The following TCF4 variants were observed in gnomAD, a reference collection of about 807,000 sequenced individuals.
TCF4 encodes the protein SL3-3 enhancer factor 2.
TCF4 carries 3 observed loss-of-function variants against 82.1 expected under a neutral mutation model. The ratio of observed to expected loss-of-function variants is 0.04; its 90% CI spans 0.02 to 0.09. TCF4 has a LOEUF of 0.09. TCF4 is among the 10% of genes least tolerant of loss of function. The probability of loss-of-function intolerance (pLI) is 1.00; values close to 1 mark genes in which losing one functional copy is unlikely to be tolerated. For missense variants in TCF4, 518 were observed against 852.7 expected, an observed-to-expected ratio of 0.61 and a Z score of 4.89; for synonymous variants, 276 against 309.6, an observed-to-expected ratio of 0.89 and a Z score of 1.14.
chr18:55,549,669 T>C (rs1229340295), intron 3 of TCF4, among the ~76,000 whole-genome samples: 1 of 152,032 alleles, frequency 6.6e-6, no homozygotes, highest in East Asian at 1.9e-4. Context: ...TCTCCTATGA[T>C]AACAAAGCCT....
intron 5 of TCF4, among the ~76,000 whole-genome samples, chr18:55,409,236 C>T (rs1424546952): frequency 1.3e-5 from 2 of 152,144 alleles, no homozygotes; most frequent in African/African-American, 4.8e-5. Context: ...ACAACGGGCT[C>T]CAAAAACCAA....
chr18:55,281,224 C>G (rs1484264066), intron 8 of TCF4, among the ~76,000 whole-genome samples: 24 of 152,118 alleles, frequency 1.6e-4, no homozygotes, highest in Non-Finnish European at 3.5e-4. Context: ...AAAACTTTGG[C>G]TAGGAATCCA....
chr18:55,291,316 T>C (rs1355340464), intron 8 of TCF4, among the ~76,000 whole-genome samples: 1 of 152,340 alleles, frequency 6.6e-6, no homozygotes, highest in Non-Finnish European at 1.5e-5. Flanking sequence ...TAGTGCTAAG[T>C]AGAGTTATAA....
intron 5 of TCF4, among the ~76,000 whole-genome samples, chr18:55,437,414 A>G (rs1055989453): frequency 1.3e-5 from 2 of 152,176 alleles, no homozygotes; most frequent in African/African-American, 4.8e-5. Context: ...CTCTCTCTCA[A>G]TGGAAATATG....
chr18:55,577,488 A>T (rs1348486089), intron 3 of TCF4, among the ~76,000 whole-genome samples: 1 of 152,022 alleles, frequency 6.6e-6, no homozygotes, highest in Non-Finnish European at 1.5e-5. Flanking sequence ...ATCTTAAGTG[A>T]ATATAAAAGC....
At chr18:55,547,634 T>C (rs2123392) in intron 3 of TCF4, among the ~76,000 whole-genome samples, 44,883 of 152,086 alleles carry the variant, frequency 0.3, 7,813 homozygotes, top group Middle Eastern at 0.45. Flanking sequence ...CTTGTCTATA[T>C]TTACATTGTA....
intron 3 of TCF4, among the ~76,000 whole-genome samples, chr18:55,510,210 T>G (rs895986379): frequency 6.6e-6 from 1 of 152,118 alleles, no homozygotes; most frequent in African/African-American, 2.4e-5. Flanking sequence ...ACTCCAGATA[T>G]AGCGCTCAGT....
intron 8 of TCF4, among the ~76,000 whole-genome samples, chr18:55,299,894 G>A (rs574185040): frequency 3.3e-5 from 5 of 152,116 alleles, no homozygotes; most frequent in Admixed American, 2.6e-4. Context: ...CATGGGAGAT[G>A]AGTCTCCAAC....
chr18:55,476,729 A>T (rs1422569610), intron 3 of TCF4, among the ~76,000 whole-genome samples: 1 of 152,140 alleles, frequency 6.6e-6, no homozygotes, highest in East Asian at 1.9e-4. Flanking sequence ...CAGCCTCCCA[A>T]AATGCTGGGA....
chr18:55,585,012 G>C (rs1244985278), intron 3 of TCF4, among the ~76,000 whole-genome samples: 1 of 151,984 alleles, frequency 6.6e-6, no homozygotes, highest in Admixed American at 6.6e-5. Context: ...TCATGTGTTT[G>C]ATTACAACTG....
intron 9 of TCF4, among the ~76,000 whole-genome samples, chr18:55,278,862 C>T (rs996174812): frequency 2.6e-5 from 4 of 152,292 alleles, no homozygotes; most frequent in South Asian, 2.1e-4. Context: ...CCACCGCACT[C>T]GGCCACATCT....
At chr18:55,370,734 TTAGA>T (rs2088874009) in intron 6 of TCF4, among the ~76,000 whole-genome samples, 1 of 152,146 alleles carries the variant, frequency 6.6e-6, no homozygotes, top group Non-Finnish European at 1.5e-5. Context: ...AAGCATCTCC[TTAGA>T]TAGGAATAAA....
intron 5 of TCF4, among the ~76,000 whole-genome samples, chr18:55,450,303 AATG>A (rs1261452814): frequency 6.6e-6 from 1 of 152,210 alleles, no homozygotes; most frequent in Non-Finnish European, 1.5e-5. Context: ...ACTACTTTCA[AATG>A]ATGCTTCCTT....
intron 16 of TCF4, 129 bp from the exon 17 acceptor site, chr18:55,232,800 G>A (rs1167453468): frequency 1.6e-6 from 2 of 1,226,482 alleles, no homozygotes; most frequent in Non-Finnish European, 1.2e-6. Context: ...TTTTCCCCCT[G>A]CTATCTGTTG....
At chr18:55,446,536 C>A (rs1264203230) in intron 5 of TCF4, among the ~76,000 whole-genome samples, 1 of 152,172 alleles carries the variant, frequency 6.6e-6, no homozygotes, top group East Asian at 1.9e-4. Context: ...ACCAGCTACA[C>A]AACACTGGGC....
chr18:55,504,071 A>G (rs973419661), intron 3 of TCF4, among the ~76,000 whole-genome samples: 3 of 152,194 alleles, frequency 2.0e-5, no homozygotes, highest in Non-Finnish European at 2.9e-5. Context: ...TCAAAAAACA[A>G]ACAAAAAAAG....
At chr18:55,501,524 A>G (rs2096701599) in intron 3 of TCF4, among the ~76,000 whole-genome samples, 1 of 152,214 alleles carries the variant, frequency 6.6e-6, no homozygotes. Flanking sequence ...GTACCTCATT[A>G]AAAGGACTTT....
chr18:55,575,718 G>C (rs2097523094), intron 3 of TCF4, among the ~76,000 whole-genome samples: 2 of 152,122 alleles, frequency 1.3e-5, no homozygotes, highest in Non-Finnish European at 2.9e-5. Context: ...GTCACAGAGA[G>C]AAAGACACTT....
At chr18:55,396,553 G>C (rs1269027972) in intron 6 of TCF4, among the ~76,000 whole-genome samples, 1 of 152,098 alleles carries the variant, frequency 6.6e-6, no homozygotes, top group African/African-American at 2.4e-5. Context: ...GATCAACCTT[G>C]TGAGATGTTT....
Sources: gnomAD v4.1 joint callset for allele counts (sites outside exome capture counted in the v4.1 genomes callset) on GRCh38, gnomAD v4.1.1 for gene constraint, MANE v1.5 for transcripts, NCBI Gene and HGNC (gene_info 2026-07-23, HGNC 2026-07-21) for gene names.